Variants in WDR64 observed in about 807,000 individuals in gnomAD.
WDR64 encodes WD repeat domain 64.
In WDR64, 112 loss-of-function variants were observed where a neutral mutation model predicts 139.3. That is an observed-to-expected ratio of 0.80 (90% CI 0.69 to 0.94). The LOEUF (loss-of-function observed/expected upper bound fraction) is 0.94, where lower values mean the gene tolerates loss of function less well. Ranked by LOEUF, WDR64 falls within the 40% of genes least tolerant of loss-of-function variation. WDR64 has a pLI of 0.00. For synonymous variants in WDR64, 444 were observed against 437.7 expected (o/e 1.01, Z -0.18); for missense variants, 1,206 against 1,293.1 (o/e 0.93, Z 1.03).
At chr1:241,702,931 T>C (rs979179788) in intron 8 of WDR64, among the ~76,000 whole-genome samples, 6 of 152,326 alleles carry the variant, frequency 3.9e-5, no homozygotes, top group African/African-American at 1.4e-4. Flanking sequence ...TATCTTATTC[T>C]TTATGGAAAA....
chr1:241,744,291 C>A, intron 12 of WDR64, 102 bp from the exon 13 acceptor site: 5 of 1,422,558 alleles, frequency 3.5e-6, no homozygotes, highest in Non-Finnish European at 4.8e-6. Flanking sequence ...GTTAGATGTA[C>A]AGAGTTCCAT....
At chr1:241,699,929 A>C (rs1295805780) in intron 8 of WDR64, among the ~76,000 whole-genome samples, 1 of 152,068 alleles carries the variant, frequency 6.6e-6, no homozygotes, top group Non-Finnish European at 1.5e-5. Context: ...GAGTAAAAAA[A>C]TGTTTTTGAC....
intron 6 of WDR64, among the ~76,000 whole-genome samples, chr1:241,683,062 G>A (rs939113028): frequency 6.6e-6 from 1 of 152,114 alleles, no homozygotes; most frequent in African/African-American, 2.4e-5. Context: ...AAACTTGGAT[G>A]GTAGGATATT....
At chr1:241,783,249 T>C in intron 22 of WDR64, 23 bp from the exon 23 acceptor site, 1 of 1,591,586 alleles carries the variant, frequency 6.3e-7, no homozygotes, top group Non-Finnish European at 8.6e-7. Context: ...TTCCGAGGAA[T>C]ATGCCTTGTT....
intron 8 of WDR64, among the ~76,000 whole-genome samples, chr1:241,699,081 C>G (rs183327320): frequency 6.6e-6 from 1 of 152,108 alleles, no homozygotes; most frequent in Non-Finnish European, 1.5e-5. Flanking sequence ...GTAACTGCCC[C>G]CATGATTCAA....
chr1:241,703,854 G>A lies in WDR64; in HGVS notation c.975-7948G>A, dbSNP rs1574024208. ...CAAGGACCTTCTTCACATGATGGCA[G>A]GAGAGAGAAAAGTGAGCAAAAGAGG... On this transcript the variant is annotated intron_variant, in intron 8 of 27. Transcript: ENST00000437684. This position sits in a 1 kb window ranked among gnomAD's most constrained non-coding sequence, Gnocchi z 5.9. Among the ~76,000 whole-genome samples, 1 of 152,126 alleles carries A rather than the reference G, an allele frequency of 6.6e-6. No individual in the cohort carries two copies. Among genetic ancestry groups the A allele is most frequent in the African/African-American group, 2.4e-5 (1 of 41,420 alleles).
chr1:241,783,344 C>T lies in WDR64; in HGVS notation c.2668C>T (p.Gln890Ter), dbSNP rs1447916360. 6.2e-7 allele frequency: 1 copy of T among 1,613,870 alleles called. No homozygotes were observed. Among genetic ancestry groups the T allele is most frequent in the Non-Finnish European group, 8.5e-7 (1 of 1,179,988 alleles). Residue 890 changes from glutamine to a stop codon, truncating the protein, a stop_gained, in exon 23 of 28, where the codon CAA becomes TAA. Transcript: ENST00000437684. LOFTEE classifies it high-confidence loss of function. ...TCAAGTAATCTATGTAGAAGAAAAACAAGTGGTACTTACTGCCTCCATCGA... is the reference window on the plus strand; with the variant it reads ...TCAAGTAATCTATGTAGAAGAAAAATAAGTGGTACTTACTGCCTCCATCGA... Reference protein sequence around the residue: ...IIQVIYVEEKQVVLTASIDGS... With the variant: ...IIQVIYVEEK
At chr1:241,786,402 C>T (rs2148322994) in intron 23 of WDR64, among the ~76,000 whole-genome samples, 1 of 152,246 alleles carries the variant, frequency 6.6e-6, no homozygotes. Flanking sequence ...GAAGATCTTC[C>T]AAATACTATT....
At chr1:241,702,956 T>C (rs947798910) in intron 8 of WDR64, among the ~76,000 whole-genome samples, 1 of 152,192 alleles carries the variant, frequency 6.6e-6, no homozygotes, top group African/African-American at 2.4e-5. Context: ...TGCCAATGTC[T>C]GATGTAGAAT....
At chr1:241,767,231 G>A (rs1001700440) in intron 16 of WDR64, among the ~76,000 whole-genome samples, 6 of 152,084 alleles carry the variant, frequency 3.9e-5, no homozygotes, top group Admixed American at 6.6e-5. Flanking sequence ...TACAGATTGG[G>A]GCTAACAAGG....
intron 17 of WDR64, 33 bp downstream of exon 17, chr1:241,769,538 T>C: frequency 6.5e-7 from 1 of 1,527,696 alleles, no homozygotes; most frequent in African/African-American, 1.4e-5. Context: ...AGTAATACTG[T>C]CTGGGACTTA....
chr1:241,702,392 T>C (rs77147803), intron 8 of WDR64, among the ~76,000 whole-genome samples: 1,776 of 152,260 alleles, frequency 0.012, 36 homozygotes, highest in African/African-American at 0.04. Flanking sequence ...TATACCTACA[T>C]GATAGTCTTA....
chr1:241,790,441 T>C, intron 24 of WDR64, 150 bp from the exon 25 acceptor site: 1 of 598,102 alleles, frequency 1.7e-6, no homozygotes. Context: ...CCAACTGGTA[T>C]AAGAGTTGAG....
At chr1:241,782,544 G>C (rs1482876428) in intron 22 of WDR64, among the ~76,000 whole-genome samples, 6 of 147,220 alleles carry the variant, frequency 4.1e-5, no homozygotes, top group African/African-American at 8.2e-5. Flanking sequence ...ATACTCACAG[G>C]GGGTGTGAGT....
intron 8 of WDR64, among the ~76,000 whole-genome samples, chr1:241,707,222 G>A (rs749999882): frequency 3.9e-5 from 6 of 152,156 alleles, no homozygotes; most frequent in Non-Finnish European, 7.3e-5. Flanking sequence ...AGTGTTGGGC[G>A]TACAGCTGGC....
chr1:241,653,614 G>A (rs1665455449), intron 1 of WDR64, among the ~76,000 whole-genome samples: 1 of 150,808 alleles, frequency 6.6e-6, no homozygotes, highest in Non-Finnish European at 1.5e-5. Flanking sequence ...TGCGATCTCG[G>A]CTCTCTGCAA....
chr1:241,683,358 A>G (rs1666885499), intron 6 of WDR64, 129 bp from the exon 7 acceptor site: 1 of 829,010 alleles, frequency 1.2e-6, no homozygotes, highest in African/African-American at 1.7e-5. Context: ...TTTTTCTCAA[A>G]TTATCTTATA....
chr1:241,702,802 A>G (rs1232503484), intron 8 of WDR64, among the ~76,000 whole-genome samples: 1 of 152,250 alleles, frequency 6.6e-6, no homozygotes, highest in East Asian at 1.9e-4. Context: ...TCATGAATAG[A>G]GCTGTAAGGG....
intron 25 of WDR64, among the ~76,000 whole-genome samples, chr1:241,792,431 G>A (rs1659238548): frequency 6.6e-6 from 1 of 152,100 alleles, no homozygotes; most frequent in Non-Finnish European, 1.5e-5. Flanking sequence ...AGCTACTCAG[G>A]AGGCTGAGGC....
Sources: gnomAD v4.1 joint callset for allele counts (sites outside exome capture counted in the v4.1 genomes callset) on GRCh38, gnomAD v4.1.1 for gene constraint, Gnocchi (gnomAD v3.1) non-coding constraint, MANE v1.5 for transcripts, NCBI Gene and HGNC (gene_info 2026-07-23, HGNC 2026-07-21) for gene names.